STK3: variants seen among roughly 807,000 people sequenced by gnomAD.
STK3 encodes the protein serine/threonine-protein kinase 3.
Under a neutral mutation model 58.0 loss-of-function variants are expected in STK3, and 41 were observed. The ratio of observed to expected loss-of-function variants is 0.71; its 90% confidence interval spans 0.55 to 0.92. STK3 has a LOEUF of 0.92. Ranked by LOEUF, STK3 falls within the 40% of genes least tolerant of loss-of-function variation. STK3 has a pLI of 0.00. For missense variants in STK3, 479 were observed against 602.7 expected, an observed-to-expected ratio of 0.79 and a Z score of 2.15; for synonymous variants, 170 against 191.0, an observed-to-expected ratio of 0.89 and a Z score of 0.91.
At chr8:98,562,698 C>T (rs1416072961) in intron 8 of STK3, among the ~76,000 whole-genome samples, 1 of 136,680 alleles carries the variant, frequency 7.3e-6, no homozygotes, top group Non-Finnish European at 1.5e-5. Context: ...TCTAGACCAG[C>T]CTGAGCAATA....
At chr8:98,429,253 G>C (rs1233855483) in intron 3 of STK3, 1 of 1,614,108 alleles carries the variant, frequency 6.2e-7, no homozygotes, top group East Asian at 2.2e-5. Context: ...CAACTTGAGA[G>C]TGCCATGCGC....
the STK3 span, among the ~76,000 whole-genome samples, chr8:98,365,445 A>C: frequency 6.6e-6 from 1 of 152,182 alleles, no homozygotes; most frequent in Non-Finnish European, 1.5e-5. Context: ...CAGGCTCTGG[A>C]AGAAGAGAGT....
chr8:98,509,053 A>G (rs546679692), intron 10 of STK3, among the ~76,000 whole-genome samples: 6 of 152,080 alleles, frequency 3.9e-5, no homozygotes, highest in Non-Finnish European at 7.4e-5. Context: ...TCTTTCCCCA[A>G]CCATCTTTTT....
intron 2 of STK3, among the ~76,000 whole-genome samples, chr8:98,375,103 C>T (rs886407046): frequency 6.7e-6 from 1 of 149,582 alleles, no homozygotes; most frequent in African/African-American, 2.5e-5. Context: ...AAAAAAAAAA[C>T]TATTAGCCAG....
At chr8:98,769,127 C>G (rs12541317) in intron 2 of STK3, among the ~76,000 whole-genome samples, 50,453 of 152,146 alleles carry the variant, frequency 0.33, 8,815 homozygotes, top group Admixed American at 0.44. Flanking sequence ...AGAGTACATA[C>G]AGTAGCTTAT....
chr8:98,700,870 G>A (rs1313354734), intron 6 of STK3, among the ~76,000 whole-genome samples: 1 of 152,168 alleles, frequency 6.6e-6, no homozygotes, highest in Non-Finnish European at 1.5e-5. Flanking sequence ...GGTTTTTACA[G>A]GTTACGCCTG....
At chr8:98,861,725 C>A (rs1424329842) in intron 3 of STK3, among the ~76,000 whole-genome samples, 2 of 152,122 alleles carry the variant, frequency 1.3e-5, no homozygotes, top group African/African-American at 4.8e-5. Context: ...ACTTTAAATG[C>A]AATTATAGTC....
chr8:98,754,328 C>T (rs1022068803), intron 3 of STK3, among the ~76,000 whole-genome samples: 6 of 151,996 alleles, frequency 3.9e-5, no homozygotes, highest in African/African-American at 7.3e-5. Flanking sequence ...TAGGGAGTAG[C>T]GTTCCTACAC....
intron 1 of STK3, among the ~76,000 whole-genome samples, chr8:98,799,954 G>A (rs1833413275): frequency 6.6e-6 from 1 of 152,192 alleles, no homozygotes; most frequent in Non-Finnish European, 1.5e-5. Context: ...CTTCCTAGGG[G>A]AAGAGTGTTG....
rs1042265157 is a variant in STK3, at chr8:98,920,712, A to T, written c.-79+21666T>A. On this transcript the variant is annotated intron_variant, in intron 1 of 1. Transcript: ENST00000519420. Reference sequence around the variant, plus strand: ...CATGCTCCTGTGCTGGCCTACAGCCATGCTCACTGCCTGGCAGCATCCTCC... The same window carrying T: ...CATGCTCCTGTGCTGGCCTACAGCCTTGCTCACTGCCTGGCAGCATCCTCC... 2.0e-5 allele frequency among the ~76,000 whole-genome samples: 3 copies of T among 152,362 alleles called. No homozygotes were observed. The East Asian group carries it at 5.8e-4, about 29-fold the overall frequency.
intron 6 of STK3, among the ~76,000 whole-genome samples, chr8:98,694,679 C>T (rs1824714452): frequency 6.6e-6 from 1 of 152,172 alleles, no homozygotes; most frequent in East Asian, 1.9e-4. Flanking sequence ...AGAACATGAA[C>T]TCATCATTTT....
At chr8:98,897,067 T>A (rs1360697190) in intron 1 of STK3, among the ~76,000 whole-genome samples, 1 of 151,718 alleles carries the variant, frequency 6.6e-6, no homozygotes, top group African/African-American at 2.4e-5. Flanking sequence ...CATGTCTGTG[T>A]CTATGCAAAA....
intron 2 of STK3, among the ~76,000 whole-genome samples, chr8:98,375,579 C>CAT (rs1817666491): frequency 6.6e-6 from 1 of 152,196 alleles, no homozygotes; most frequent in Non-Finnish European, 1.5e-5. Context: ...AGGCCTTAAT[C>CAT]CCTGGAAACC....
chr8:98,757,286 T>C (rs1830348815), intron 3 of STK3, among the ~76,000 whole-genome samples: 1 of 149,702 alleles, frequency 6.7e-6, no homozygotes, highest in Admixed American at 6.7e-5. Context: ...GTTCAAGCGA[T>C]TCGCCTGCCT....
At chr8:98,544,377 AG>A (rs1810525429) in intron 9 of STK3, among the ~76,000 whole-genome samples, 2 of 152,186 alleles carry the variant, frequency 1.3e-5, no homozygotes, top group Admixed American at 6.5e-5. Context: ...GTATTTAATA[AG>A]TTAATAATAT....
intron 1 of STK3, among the ~76,000 whole-genome samples, chr8:98,812,035 T>C (rs1834261384): frequency 6.6e-6 from 1 of 152,144 alleles, no homozygotes; most frequent in Non-Finnish European, 1.5e-5. Flanking sequence ...TTCTCGAACT[T>C]CTGATCTCAA....
At chr8:98,831,193 C>T (rs1303260309) in intron 3 of STK3, among the ~76,000 whole-genome samples, 1 of 152,080 alleles carries the variant, frequency 6.6e-6, no homozygotes, top group African/African-American at 2.4e-5. Flanking sequence ...ATACGTACAC[C>T]ACCATGTTTA....
chr8:98,585,040 T>C (rs1439192955), intron 7 of STK3, among the ~76,000 whole-genome samples: 3 of 149,488 alleles, frequency 2.0e-5, no homozygotes, highest in Non-Finnish European at 4.5e-5. Context: ...TCCCATTCTG[T>C]AGGTTGCCTG....
At chr8:98,709,873 G>C (rs900461040) in intron 4 of STK3, among the ~76,000 whole-genome samples, 2 of 152,040 alleles carry the variant, frequency 1.3e-5, no homozygotes, top group Non-Finnish European at 1.5e-5. Context: ...CAAAGATCAG[G>C]AACAATGAAA....
Sources: allele counts gnomAD v4.1 joint callset (sites outside exome capture counted in the v4.1 genomes callset), GRCh38; gene constraint gnomAD v4.1.1; transcripts MANE v1.5; gene names NCBI Gene and HGNC (gene_info 2026-07-23, HGNC 2026-07-21).